The following KIN variants were observed in gnomAD, a reference collection of about 807,000 sequenced individuals.
The protein encoded by KIN is Kin17 DNA and RNA binding protein.
In KIN, 47 loss-of-function variants were observed where a neutral mutation model predicts 63.0. The observed-to-expected ratio is 0.75, with a 90% CI of 0.59 to 0.95. The LOEUF is 0.95. Ranked by LOEUF, KIN falls within the 40% of genes least tolerant of loss-of-function variation. The pLI, the probability that KIN is intolerant of heterozygous loss-of-function variation, is 0.00. For missense variants in KIN, 408 were observed against 460.9 expected (o/e 0.89, Z 1.05); for synonymous variants, 160 against 157.7 (o/e 1.01, Z -0.11).
At chr10:7,781,258 T>A (rs1225899193) in intron 2 of KIN, among the ~76,000 whole-genome samples, 3 of 151,906 alleles carry the variant, frequency 2.0e-5, no homozygotes, top group Non-Finnish European at 2.9e-5. Flanking sequence ...CACAGAAACA[T>A]GAAAGCCTCA....
At chr10:7,769,701 T>C (rs1835627866) in intron 7 of KIN, among the ~76,000 whole-genome samples, 1 of 147,974 alleles carries the variant, frequency 6.8e-6, no homozygotes, top group Admixed American at 6.6e-5. Flanking sequence ...GGTTTGAGGC[T>C]ACTTCTATTA....
rs112395142 is a variant in KIN, at chr10:7,769,429, T to G, written c.669-84A>C. 2,579 of 1,353,170 alleles carry G rather than the reference T, an allele frequency of 1.9e-3. 5 individuals are homozygous for G. The highest frequency in any genetic ancestry group is 2.3e-3 in the Non-Finnish European group (2,283 of 982,076). The allele number at this position is 1,353,170 out of a possible 1,614,324, so 83.8% of individuals were successfully genotyped here. A position where few individuals can be genotyped will look rare whatever the true frequency, so the allele number is the denominator to read the frequency against. ...GATGTGCAAAATTCACAATATAGAA[T>G]AAATGTGTGACATAGTAATTTACAG... On this transcript the variant is annotated intron_variant, in intron 7 of 12. Coordinates refer to ENST00000379562, the MANE Select transcript of KIN (RefSeq NM_012311.4).
chr10:7,786,813 A>C (rs1836022028), intron 1 of KIN, among the ~76,000 whole-genome samples: 1 of 152,230 alleles, frequency 6.6e-6, no homozygotes, highest in African/African-American at 2.4e-5. Context: ...CAGTCCAAGC[A>C]GACTAAGACA....
chr10:7,783,839 T>C (rs1271575503), intron 1 of KIN, among the ~76,000 whole-genome samples: 2 of 152,114 alleles, frequency 1.3e-5, no homozygotes, highest in African/African-American at 4.8e-5. Flanking sequence ...GACAACATCC[T>C]AGATTCCTTC....
In KIN at chr10:7,752,012, G is replaced by A. The variant is rs548616686; in HGVS notation, c.*4068C>T. ...ATTGCGCCACTGCAGTCCGCAGTCCGGCCTGGGCGACAGAGCGAGACTCCG... is the reference window on the plus strand; with the variant it reads ...ATTGCGCCACTGCAGTCCGCAGTCCAGCCTGGGCGACAGAGCGAGACTCCG... On this transcript the variant is annotated 3_prime_UTR_variant, in exon 13 of 13. Coordinates refer to ENST00000379562, the MANE Select transcript of KIN (RefSeq NM_012311.4). 6 of 1,540 alleles carry A rather than the reference G, an allele frequency of 3.9e-3. 2 individuals carry two copies. The highest frequency in any genetic ancestry group is 0.019 in the South Asian group (2 of 104). 0.1% of individuals were successfully genotyped at this position (1,540 alleles called of 1,614,324 possible).
rs1272665655 is a variant in KIN at position 7,752,380 on chromosome 10, T to C, written c.*3700A>G. The C allele has an allele frequency of 6.6e-6, 1 of 152,222 alleles. No individual in the cohort carries two copies. Among genetic ancestry groups the C allele is most frequent in the African/African-American group, 2.4e-5 (1 of 41,458 alleles). The allele number at this position is 152,222 out of a possible 1,614,324, so 9.4% of individuals were successfully genotyped here. ...AATTAAAGCAATGACAAGATCCCACTGTACAGCTATTAAGATGGCCAAAAT... is the reference window on the plus strand; with the variant it reads ...AATTAAAGCAATGACAAGATCCCACCGTACAGCTATTAAGATGGCCAAAAT... On this transcript the variant is annotated 3_prime_UTR_variant, in exon 13 of 13. Coordinates refer to ENST00000379562, the MANE Select transcript of KIN (RefSeq NM_012311.4).
At chr10:7,780,402 T>C in intron 2 of KIN, 95 bp from the exon 3 acceptor site, 3 of 1,092,702 alleles carry the variant, frequency 2.7e-6, no homozygotes, top group Non-Finnish European at 2.6e-6. Flanking sequence ...TTTTTGTTTT[T>C]GTTTTTTTTG....
intron 6 of KIN, among the ~76,000 whole-genome samples, chr10:7,775,534 T>C (rs1308578003): frequency 6.6e-6 from 1 of 152,172 alleles, no homozygotes; most frequent in East Asian, 1.9e-4. Flanking sequence ...TATTTCCTTA[T>C]TGTTTAAGTT....
chr10:7,768,376 T>C (rs1451150951), intron 8 of KIN, among the ~76,000 whole-genome samples: 1 of 151,622 alleles, frequency 6.6e-6, no homozygotes, highest in Non-Finnish European at 1.5e-5. Context: ...AAAAACTAGC[T>C]GGGTATGGTG....
intron 1 of KIN, among the ~76,000 whole-genome samples, chr10:7,786,067 G>A (rs1835997593): frequency 2.6e-5 from 4 of 152,168 alleles, no homozygotes; most frequent in Admixed American, 2.0e-4. Flanking sequence ...TGATACTGAT[G>A]TGTCAATGTA....
chr10:7,763,686 T>C (rs535539857), intron 10 of KIN, 37 bp downstream of exon 10: 1 of 1,215,732 alleles, frequency 8.2e-7, no homozygotes, highest in East Asian at 2.5e-5. Context: ...GACCCAAGCT[T>C]TTTTCACAAA....
At chr10:7,770,091 G>T (rs904978243) in intron 7 of KIN, among the ~76,000 whole-genome samples, 1 of 152,068 alleles carries the variant, frequency 6.6e-6, no homozygotes, top group African/African-American at 2.4e-5. Flanking sequence ...CCACCACGCT[G>T]GGCTAATTTT....
intron 8 of KIN, 51 bp downstream of exon 8, chr10:7,769,165 T>C (rs757485016): frequency 6.6e-7 from 1 of 1,511,250 alleles, no homozygotes; most frequent in African/African-American, 1.4e-5. Context: ...GGTGAAATGA[T>C]TTAATTTTCC....
At position 7,764,405 on chromosome 10, in the gene KIN, T is replaced by C. The variant is rs898667687; in HGVS notation, c.850-614A>G. 5.9e-5 allele frequency among the ~76,000 whole-genome samples: 9 copies of C among 152,260 alleles called. 1 individual carries two copies. The highest frequency in any genetic ancestry group is 2.6e-4 in the Admixed American group (4 of 15,288). On this transcript the variant is annotated intron_variant, in intron 9 of 12. Transcript: ENST00000379562. ...TCTTATGAATGAATTCAGAGTTTGC[T>C]TCTTTACCATTTTTTCCTGATTTGG...
At chr10:7,784,561 C>A (rs542486646) in intron 1 of KIN, among the ~76,000 whole-genome samples, 7 of 152,060 alleles carry the variant, frequency 4.6e-5, no homozygotes, top group African/African-American at 1.4e-4. Context: ...GTACTCCAGT[C>A]TGGGCAAGAG....
intron 8 of KIN, among the ~76,000 whole-genome samples, chr10:7,767,034 A>C (rs1471652197): frequency 1.4e-5 from 2 of 146,960 alleles, no homozygotes; most frequent in African/African-American, 4.9e-5. Context: ...AAAAAAAAAA[A>C]AAAACCTCAT....
At chr10:7,776,777 T>C (rs1588483123) in intron 5 of KIN, among the ~76,000 whole-genome samples, 1 of 148,560 alleles carries the variant, frequency 6.7e-6, no homozygotes, top group East Asian at 2.0e-4. Context: ...TGGCTGGGCA[T>C]GGTGGCTCAT....
chr10:7,767,281 G>A (rs1835566140), intron 8 of KIN, among the ~76,000 whole-genome samples: 1 of 151,968 alleles, frequency 6.6e-6, no homozygotes, highest in South Asian at 2.1e-4. Flanking sequence ...GATCGTTCCT[G>A]TCTAGGTACC....
chr10:7,763,877 A>C (rs1835488421), intron 9 of KIN, 86 bp from the exon 10 acceptor site: 1 of 654,156 alleles, frequency 1.5e-6, no homozygotes, highest in African/African-American at 1.9e-5. Flanking sequence ...ATGTTCACCC[A>C]AAACCACAGG....
Sources: gnomAD v4.1 joint callset for allele counts (sites outside exome capture counted in the v4.1 genomes callset) on GRCh38, gnomAD v4.1.1 for gene constraint, MANE v1.5 for transcripts, NCBI Gene and HGNC (gene_info 2026-07-23, HGNC 2026-07-21) for gene names.